VPS13B: variants seen among roughly 807,000 people sequenced by gnomAD.
The protein encoded by VPS13B is vacuolar protein sorting 13 homolog B.
Under a neutral mutation model 426.4 loss-of-function variants are expected in VPS13B, and 285 were observed. The observed-to-expected ratio is 0.67, with a 90% CI of 0.61 to 0.74. VPS13B has a LOEUF of 0.74. VPS13B is among the 30% of genes least tolerant of loss of function. VPS13B has a pLI of 0.00. For missense variants in VPS13B, 4,537 were observed against 4,782.6 expected (o/e 0.95, Z 1.51); for synonymous variants, 1,676 against 1,676.4 (o/e 1.00, Z 0.01).
intron 33 of VPS13B, among the ~76,000 whole-genome samples, chr8:99,635,284 A>T (rs995065660): frequency 5.3e-5 from 8 of 152,012 alleles, no homozygotes; most frequent in African/African-American, 1.9e-4. Context: ...TCACAGTTAT[A>T]TATAGATGTG....
intron 30 of VPS13B, among the ~76,000 whole-genome samples, chr8:99,540,063 ATTTTTTTTTTTTTT>A (rs1172789372): frequency 1.1e-4 from 1 of 8,812 alleles, no homozygotes; most frequent in African/African-American, 4.1e-4. Flanking sequence ...ATATATATAT[ATTTTTTTTTTTTTT>A]TTTTTTTTTT....
At chr8:99,675,712 C>T (rs1449786) in intron 35 of VPS13B, among the ~76,000 whole-genome samples, 6,282 of 152,040 alleles carry the variant, frequency 0.041, 136 homozygotes, top group East Asian at 0.06. Context: ...TCTGCTTGAT[C>T]AATTCTGCTG....
chr8:99,030,461 A>AGT (rs34944940), intron 2 of VPS13B, among the ~76,000 whole-genome samples: 83,390 of 144,590 alleles, frequency 0.58, 23,724 homozygotes, highest in South Asian at 0.63. Context: ...TGAGTGAGTG[A>AGT]GTGTGTGTGT....
chr8:99,573,016 C>T (rs1825566633), intron 31 of VPS13B, among the ~76,000 whole-genome samples: 1 of 152,192 alleles, frequency 6.6e-6, no homozygotes, highest in Admixed American at 6.5e-5. Flanking sequence ...GAGATGGTAT[C>T]TCATTGTGGT....
chr8:99,737,736 T>G (rs1833903838), intron 39 of VPS13B, among the ~76,000 whole-genome samples: 1 of 152,232 alleles, frequency 6.6e-6, no homozygotes, highest in Non-Finnish European at 1.5e-5. Flanking sequence ...ACCATTTTTT[T>G]CACTGCTTTA....
intron 33 of VPS13B, among the ~76,000 whole-genome samples, chr8:99,625,984 CAG>C (rs1828596663): frequency 6.6e-6 from 1 of 152,054 alleles, no homozygotes; most frequent in African/African-American, 2.4e-5. Context: ...CAGAAATAAA[CAG>C]AATTAGAGGA....
intron 34 of VPS13B, among the ~76,000 whole-genome samples, chr8:99,644,652 C>T (rs1248811035): frequency 6.6e-6 from 1 of 152,092 alleles, no homozygotes; most frequent in Non-Finnish European, 1.5e-5. Context: ...GATGCCTTTC[C>T]CTACACAGAA....
At chr8:99,311,298 T>C (rs184602161) in intron 19 of VPS13B, among the ~76,000 whole-genome samples, 168 of 152,340 alleles carry the variant, frequency 1.1e-3, no homozygotes, top group Middle Eastern at 3.4e-3. Context: ...CTTTCTCTTG[T>C]GGGCATTTAG....
chr8:99,516,374 T>A (rs1822070904), intron 29 of VPS13B, among the ~76,000 whole-genome samples: 1 of 152,164 alleles, frequency 6.6e-6, no homozygotes, highest in Non-Finnish European at 1.5e-5. Flanking sequence ...GAAGGAGCAA[T>A]TTCATTAGAA....
chr8:99,251,527 G>A (rs938414862), intron 17 of VPS13B, among the ~76,000 whole-genome samples: 6 of 152,008 alleles, frequency 3.9e-5, no homozygotes, highest in Non-Finnish European at 7.4e-5. Flanking sequence ...TGGCCATGAT[G>A]TATTATTTAT....
intron 36 of VPS13B, among the ~76,000 whole-genome samples, chr8:99,704,953 A>C (rs1044053107): frequency 2.6e-5 from 4 of 152,190 alleles, no homozygotes. Flanking sequence ...GCCTTTCTAT[A>C]GTCCCTGAGG....
At chr8:99,456,865 T>C (rs1479495536) in intron 23 of VPS13B, among the ~76,000 whole-genome samples, 1 of 152,166 alleles carries the variant, frequency 6.6e-6, no homozygotes, top group African/African-American at 2.4e-5. Flanking sequence ...GTATTAGGGA[T>C]TGACATTCTT....
chr8:99,525,822 C>T (rs1822610390), intron 30 of VPS13B, among the ~76,000 whole-genome samples: 1 of 152,158 alleles, frequency 6.6e-6, no homozygotes, highest in African/African-American at 2.4e-5. Context: ...TAGAGATGGA[C>T]AGCATGGCTT....
At chr8:99,479,686 C>T (rs1431685278) in intron 24 of VPS13B, among the ~76,000 whole-genome samples, 1 of 152,132 alleles carries the variant, frequency 6.6e-6, no homozygotes, top group Non-Finnish European at 1.5e-5. Context: ...TTCTTTCATT[C>T]TGCATAATTA....
intron 56 of VPS13B, among the ~76,000 whole-genome samples, chr8:99,855,093 A>AGG (rs1563510847): frequency 3.9e-5 from 6 of 152,056 alleles, no homozygotes; most frequent in African/African-American, 1.4e-4. Flanking sequence ...CAACTGGTGG[A>AGG]TAGCAGGCGC....
chr8:99,097,871 A>G (rs1846513254), intron 4 of VPS13B, among the ~76,000 whole-genome samples: 2 of 152,178 alleles, frequency 1.3e-5, no homozygotes, highest in East Asian at 3.8e-4. Context: ...AAAAATCTCC[A>G]GATTAGTTCA....
In VPS13B at chr8:99,840,050, A is replaced by G. The variant is rs112592343; in HGVS notation, c.9942+4312A>G. ...TTGAATCATTCCTTCAGTAAATGCA[A>G]TTTCCACACCCATCACCACAGTTAC... On this transcript the variant is annotated intron_variant, in intron 54 of 61. Coordinates refer to ENST00000357162, the MANE Select transcript of VPS13B (RefSeq NM_152564.5). Among the ~76,000 whole-genome samples, 356 of 152,306 alleles carry G rather than the reference A, an allele frequency of 2.3e-3. 1 individual carries two copies. Among genetic ancestry groups the G allele is most frequent in the African/African-American group, 8.2e-3 (340 of 41,574 alleles).
At chr8:99,387,301 TTAACTTC>T (rs1308122479) in intron 20 of VPS13B, among the ~76,000 whole-genome samples, 2 of 152,138 alleles carry the variant, frequency 1.3e-5, no homozygotes, top group Non-Finnish European at 2.9e-5. Flanking sequence ...CACTGCAGCC[TTAACTTC>T]GTGGGCTCAA....
rs1039509565 is a variant in VPS13B at position 99,871,001 on chromosome 8, T to C, written c.11495+114T>C. On this transcript the variant is annotated intron_variant, in intron 60 of 61. Transcript: ENST00000357162. The stretch of plus-strand genomic sequence containing the variant: ...CCAGGGAGCCCAGGAGTAGCCATTG[T>C]TGGCACTGGCATCTCAGGCAGCACA... 1.9e-5 allele frequency: 20 copies of C among 1,044,602 alleles called. No individual in the cohort carries two copies. The African/African-American group carries it at 2.7e-4, about 14-fold the overall frequency. The allele number at this position is 1,044,602 out of a possible 1,614,324, so 64.7% of individuals were successfully genotyped here.
Sources: allele counts gnomAD v4.1 joint callset (sites outside exome capture counted in the v4.1 genomes callset), GRCh38; gene constraint gnomAD v4.1.1; transcripts MANE v1.5; gene names NCBI Gene and HGNC (gene_info 2026-07-23, HGNC 2026-07-21).